Variants in PTPRD observed in about 807,000 individuals in gnomAD.
The protein encoded by PTPRD is protein tyrosine phosphatase receptor type D.
PTPRD carries 34 observed loss-of-function variants against 214.5 expected under a neutral mutation model. The ratio of observed to expected loss-of-function variants is 0.16; its 90% CI spans 0.12 to 0.21. The LOEUF is 0.21. Among genes scored for constraint, PTPRD ranks in the 10% least tolerant of loss-of-function variants. The pLI, the probability that PTPRD is intolerant of heterozygous loss-of-function variation, is 1.00. For synonymous variants in PTPRD, 1,128 were observed against 845.7 expected, an observed-to-expected ratio of 1.33 and a Z score of -5.79; for missense variants, 2,545 against 2,398.7, an observed-to-expected ratio of 1.06 and a Z score of -1.27.
At chr9:9,873,390 A>G (rs1296212803) in intron 5 of PTPRD, among the ~76,000 whole-genome samples, 1 of 151,614 alleles carries the variant, frequency 6.6e-6, no homozygotes, top group Admixed American at 6.6e-5. Flanking sequence ...CATGGTCAAT[A>G]TATTTCCCAT....
At chr9:10,167,437 A>T (rs1175095881) in intron 3 of PTPRD, among the ~76,000 whole-genome samples, 4 of 152,204 alleles carry the variant, frequency 2.6e-5, no homozygotes, top group Non-Finnish European at 5.9e-5. Context: ...TGGATTCAGC[A>T]TATAAAAACC....
At chr9:9,684,337 C>A (rs1020124566) in intron 7 of PTPRD, among the ~76,000 whole-genome samples, 1 of 151,650 alleles carries the variant, frequency 6.6e-6, no homozygotes, top group African/African-American at 2.4e-5. Flanking sequence ...TTTCTAGCAT[C>A]CAGATCCTAT....
At chr9:8,911,415 T>TTGTGTG (rs757801073) in intron 11 of PTPRD, among the ~76,000 whole-genome samples, 1,869 of 127,694 alleles carry the variant, frequency 0.015, 41 homozygotes, top group African/African-American at 0.047. Context: ...TGTGTGTGTG[T>TTGTGTG]TGTGTGTGTG....
At chr9:10,294,484 T>A (rs1282715902) in intron 3 of PTPRD, among the ~76,000 whole-genome samples, 1 of 148,696 alleles carries the variant, frequency 6.7e-6, no homozygotes, top group East Asian at 1.9e-4. Flanking sequence ...TCAAAAGCCT[T>A]ATTTTTTTCC....
In PTPRD at chr9:8,669,154, A is replaced by C. The variant is rs367802364; in HGVS notation, c.65-32310T>G. On this transcript the variant is annotated intron_variant, in intron 12 of 45. Transcript: ENST00000381196. The stretch of plus-strand genomic sequence containing the variant: ...GAAGATTAGGGATGCATGTAGGCAG[A>C]CAGTGGCCTCTTATTCCTTGGTTGG... Among the ~76,000 whole-genome samples the C allele has an allele frequency of 3.3e-5, 5 of 152,276 alleles. No individual in the cohort carries two copies. In the East Asian group the frequency reaches 5.8e-4, roughly 18 times the overall value.
At chr9:8,883,698 G>T (rs1024562441) in intron 11 of PTPRD, among the ~76,000 whole-genome samples, 1 of 152,120 alleles carries the variant, frequency 6.6e-6, no homozygotes, top group Admixed American at 6.5e-5. Flanking sequence ...AAGAGACCCC[G>T]TTGAGGACTT....
At chr9:9,059,295 A>G (rs2099702917) in intron 10 of PTPRD, among the ~76,000 whole-genome samples, 1 of 152,206 alleles carries the variant, frequency 6.6e-6, no homozygotes, top group African/African-American at 2.4e-5. Flanking sequence ...ACAGCATTGA[A>G]ATGGCCCATA....
At chr9:8,354,388 G>A (rs1218437031) in intron 39 of PTPRD, among the ~76,000 whole-genome samples, 6 of 152,088 alleles carry the variant, frequency 3.9e-5, no homozygotes, top group East Asian at 1.9e-4. Context: ...CAAGATGGAC[G>A]AAAATTTCAT....
intron 44 of PTPRD, among the ~76,000 whole-genome samples, chr9:8,325,453 C>G (rs1238895148): frequency 6.7e-6 from 1 of 148,800 alleles, no homozygotes; most frequent in Non-Finnish European, 1.5e-5. Context: ...TGGTCTATAT[C>G]TCTGTTTTGG....
At position 8,317,761 on chromosome 9, in the gene PTPRD, G is replaced by T. The variant is rs751126261; in HGVS notation, c.*113C>A. 1 of 834,896 alleles carries T rather than the reference G, an allele frequency of 1.2e-6. No homozygotes were observed. Among genetic ancestry groups the T allele is most frequent in the Admixed American group, 2.1e-5 (1 of 48,580 alleles). 51.7% of individuals were successfully genotyped at this position (834,896 alleles called of 1,614,324 possible). On this transcript the variant is annotated 3_prime_UTR_variant, in exon 46 of 46. Coordinates refer to ENST00000381196, the MANE Select transcript of PTPRD (RefSeq NM_002839.4). ...GTTTTGTGTGTAATAGTCCCACTAAGTAGTTGTTAGCTAGAAGTTAAGAAG... is the reference window on the plus strand; with the variant it reads ...GTTTTGTGTGTAATAGTCCCACTAATTAGTTGTTAGCTAGAAGTTAAGAAG...
chr9:9,405,584 T>C (rs1289516624), intron 8 of PTPRD, among the ~76,000 whole-genome samples: 1 of 152,048 alleles, frequency 6.6e-6, no homozygotes, highest in South Asian at 2.1e-4. Context: ...AATAAAATTG[T>C]AAATTCAGGA....
At chr9:8,349,230 T>C (rs1167363845) in intron 39 of PTPRD, among the ~76,000 whole-genome samples, 1 of 151,766 alleles carries the variant, frequency 6.6e-6, no homozygotes, top group Non-Finnish European at 1.5e-5. Context: ...TTCACTCCAA[T>C]TGCTGAGAAA....
At chr9:8,753,671 G>A (rs1020629454) in intron 11 of PTPRD, among the ~76,000 whole-genome samples, 1 of 152,162 alleles carries the variant, frequency 6.6e-6, no homozygotes, top group Non-Finnish European at 1.5e-5. Context: ...GAAACCAACT[G>A]TATTCAGAAT....
chr9:8,494,285 G>C (rs930944298), intron 26 of PTPRD, among the ~76,000 whole-genome samples: 1 of 152,100 alleles, frequency 6.6e-6, no homozygotes, highest in Non-Finnish European at 1.5e-5. Context: ...TTTCTCAAAA[G>C]AGTAGGAATA....
intron 3 of PTPRD, among the ~76,000 whole-genome samples, chr9:10,252,012 T>A (rs2154369827): frequency 6.6e-6 from 1 of 152,322 alleles, no homozygotes; most frequent in Non-Finnish European, 1.5e-5. Context: ...ATAGTAAGTG[T>A]GTGAATTGAT....
chr9:9,898,850 C>T (rs192061545), intron 5 of PTPRD, among the ~76,000 whole-genome samples: 1 of 151,982 alleles, frequency 6.6e-6, no homozygotes, highest in African/African-American at 2.4e-5. Context: ...TATACTAAAC[C>T]CACAGGATTA....
chr9:9,366,384 A>G (rs2057897238), intron 9 of PTPRD, among the ~76,000 whole-genome samples: 1 of 151,506 alleles, frequency 6.6e-6, no homozygotes, highest in South Asian at 2.1e-4. Context: ...AATCATTGAG[A>G]GTAGGTCACC....
At chr9:10,475,805 G>C (rs755338061) in intron 2 of PTPRD, among the ~76,000 whole-genome samples, 98 of 152,046 alleles carry the variant, frequency 6.4e-4, no homozygotes, top group Admixed American at 1.2e-3. Flanking sequence ...TCATCCCCAG[G>C]ATGCAAGGCT....
chr9:9,189,262 T>A (rs962465889), intron 9 of PTPRD, among the ~76,000 whole-genome samples: 4 of 152,010 alleles, frequency 2.6e-5, no homozygotes, highest in Non-Finnish European at 2.9e-5. Flanking sequence ...TTGAAAGAGA[T>A]CTTGAACAAC....
Sources: gnomAD v4.1 joint callset for allele counts (sites outside exome capture counted in the v4.1 genomes callset) on GRCh38, gnomAD v4.1.1 for gene constraint, MANE v1.5 for transcripts, NCBI Gene and HGNC (gene_info 2026-07-23, HGNC 2026-07-21) for gene names.